MTRF1: variants seen among roughly 807,000 people sequenced by gnomAD.
MTRF1 encodes the protein peptide chain release factor 1, mitochondrial.
A neutral mutation model predicts 62.9 loss-of-function variants in MTRF1; 51 were observed. The ratio of observed to expected loss-of-function variants is 0.81; its 90% CI spans 0.65 to 1.02. The LOEUF (loss-of-function observed/expected upper bound fraction) is 1.02. MTRF1 is among the 50% of genes least tolerant of loss of function. MTRF1 has a pLI of 0.00. For missense variants in MTRF1, 446 were observed against 530.0 expected, an observed-to-expected ratio of 0.84 and a Z score of 1.56; for synonymous variants, 158 against 181.9, an observed-to-expected ratio of 0.87 and a Z score of 1.06.
chr13:41,296,807 G>C, the MTRF1 span, among the ~76,000 whole-genome samples: 2 of 151,898 alleles, frequency 1.3e-5, no homozygotes, highest in Non-Finnish European at 2.9e-5. Flanking sequence ...GACATTATCA[G>C]TCATAATTCT....
the MTRF1 span, chr13:41,311,175 C>T: frequency 1.8e-5 from 7 of 398,356 alleles, no homozygotes; most frequent in African/African-American, 2.1e-5. Context: ...GTCCCCGCTA[C>T]GCCCCCGTAG....
rs1555268029 is a variant in MTRF1, at chr13:41,259,712, A to AAAAAAAAAAAACAAAAAAAAAC, written c.415+780_415+781insGTTTTTTTTTGTTTTTTTTTTT. Reference sequence around the variant, plus strand: ...GCGAGACTCCGTCTCAAAAAAAAAAAAAAAAAAAACATAAAAATAAAAAAT... The same window carrying AAAAAAAAAAAACAAAAAAAAAC: ...GCGAGACTCCGTCTCAAAAAAAAAAAAAAAAAAAAAACAAAAAAAAACAAAAAAAAACATAAAAATAAAAAAT... On this transcript the variant is annotated intron_variant, in intron 2 of 9. Coordinates refer to ENST00000379480, the MANE Select transcript of MTRF1 (RefSeq NM_004294.4). Among the ~76,000 whole-genome samples the AAAAAAAAAAAACAAAAAAAAAC allele has an allele frequency of 1.3e-3, 174 of 136,728 alleles. 2 individuals carry two copies. Among genetic ancestry groups the AAAAAAAAAAAACAAAAAAAAAC allele is most frequent in the African/African-American group, 4.6e-3 (168 of 36,144 alleles). 89.7% of individuals were successfully genotyped at this position (136,728 alleles called of 152,430 possible). A position where few individuals can be genotyped will look rare whatever the true frequency, so the allele number is the denominator to read the frequency against.
chr13:41,251,839 C>T (rs1163241048), intron 5 of MTRF1, among the ~76,000 whole-genome samples: 1 of 151,864 alleles, frequency 6.6e-6, no homozygotes, highest in East Asian at 1.9e-4. Context: ...AATCAATATA[C>T]TTGAGTATTT....
the MTRF1 span, among the ~76,000 whole-genome samples, chr13:41,297,335 T>C: frequency 6.6e-6 from 1 of 152,244 alleles, no homozygotes. Flanking sequence ...GTTCTATCTT[T>C]TGGTGTTGAG....
intron 5 of MTRF1, 38 bp downstream of exon 5, chr13:41,252,607 T>G: frequency 6.7e-7 from 1 of 1,490,238 alleles, no homozygotes; most frequent in Non-Finnish European, 9.3e-7. Context: ...AAAATAATTT[T>G]CAGTATCTCC....
chr13:41,228,972 T>C (rs865788644), intron 7 of MTRF1, among the ~76,000 whole-genome samples: 1 of 152,206 alleles, frequency 6.6e-6, no homozygotes, highest in Non-Finnish European at 1.5e-5. Context: ...GCTGAAACCA[T>C]GGCAATCCTC....
At chr13:41,284,935 G>A in the MTRF1 span, among the ~76,000 whole-genome samples, 3 of 152,168 alleles carry the variant, frequency 2.0e-5, no homozygotes, top group African/African-American at 7.2e-5. Context: ...TTACAGGCAT[G>A]AGCCACTGTG....
intron 7 of MTRF1, 42 bp from the exon 8 acceptor site, chr13:41,226,610 C>T (rs1289295650): frequency 3.1e-6 from 5 of 1,606,088 alleles, no homozygotes; most frequent in South Asian, 2.2e-5. Context: ...GTAGCTTCCA[C>T]CAAATTAAGA....
the MTRF1 span, among the ~76,000 whole-genome samples, chr13:41,271,336 A>T: frequency 6.6e-6 from 1 of 152,334 alleles, no homozygotes; most frequent in South Asian, 2.1e-4. Context: ...ATTTTACATA[A>T]ACTCTGGCAA....
At chr13:41,270,081 A>T in the MTRF1 span, among the ~76,000 whole-genome samples, 1 of 152,212 alleles carries the variant, frequency 6.6e-6, no homozygotes, top group African/African-American at 2.4e-5. Context: ...TGTTTATTAA[A>T]AATTACATAA....
chr13:41,246,230 A>G (rs1252101195), intron 5 of MTRF1, among the ~76,000 whole-genome samples: 2 of 151,888 alleles, frequency 1.3e-5, no homozygotes, highest in African/African-American at 4.8e-5. Flanking sequence ...TGCAGGTTCT[A>G]TGGCAATTGG....
Position 41,260,489 on chromosome 13 carries a change from C to T in MTRF1, c.415+4G>A. 4 of 1,606,954 alleles carry T rather than the reference C, an allele frequency of 2.5e-6. No individual in the cohort carries two copies. The highest frequency in any genetic ancestry group is 3.4e-6 in the Non-Finnish European group (4 of 1,175,712). On this transcript the variant is annotated splice_donor_region_variant and intron_variant, in intron 2 of 9. Transcript: ENST00000379480. ...TGCAGGACACATAAGTATCTTTTAC[C>T]TACTTTTACACATTGATTCTAATTC...
Position 41,216,430 on chromosome 13 carries a change from T to C in MTRF1, c.*685A>G, listed in dbSNP as rs1378626373. On this transcript the variant is annotated 3_prime_UTR_variant, in exon 10 of 10. Transcript: ENST00000379480. ...GGAATTCATACAGCAATCAAAGGGC[T>C]TTACTGTCTGTACCCAGATGCTCAT... The C allele has an allele frequency of 1.3e-5, 2 of 152,116 alleles. No homozygotes were observed. The highest frequency in any genetic ancestry group is 2.9e-5 in the Non-Finnish European group (2 of 68,020). 9.4% of individuals were successfully genotyped at this position (152,116 alleles called of 1,614,324 possible).
chr13:41,219,290 C>CA (rs55810411), intron 9 of MTRF1, among the ~76,000 whole-genome samples: 345 of 131,900 alleles, frequency 2.6e-3, no homozygotes, highest in African/African-American at 7.7e-3. Flanking sequence ...GACTCTGTCT[C>CA]AAAAAAAAAA....
the MTRF1 span, among the ~76,000 whole-genome samples, chr13:41,284,955 T>C: frequency 0.04 from 6,119 of 152,222 alleles, 187 homozygotes; most frequent in Non-Finnish European, 0.062. Context: ...GCCCGGCCTG[T>C]CAACAGGCTT....
chr13:41,223,013 T>C (rs2033713902), intron 9 of MTRF1, among the ~76,000 whole-genome samples: 1 of 152,236 alleles, frequency 6.6e-6, no homozygotes, highest in Non-Finnish European at 1.5e-5. Context: ...CGTTCATGCA[T>C]TGTGATTGCA....
chr13:41,233,549 G>A (rs1432610130), intron 7 of MTRF1, among the ~76,000 whole-genome samples: 1 of 152,184 alleles, frequency 6.6e-6, no homozygotes, highest in Non-Finnish European at 1.5e-5. Context: ...GGAGTTAGCT[G>A]TCATGCTACA....
the MTRF1 span, among the ~76,000 whole-genome samples, chr13:41,285,339 T>G: frequency 6.6e-6 from 1 of 152,224 alleles, no homozygotes; most frequent in Non-Finnish European, 1.5e-5. Context: ...TTCACATTTG[T>G]CTTCCAGTAA....
chr13:41,303,503 C>T, the MTRF1 span, among the ~76,000 whole-genome samples: 1 of 152,100 alleles, frequency 6.6e-6, no homozygotes, highest in Non-Finnish European at 1.5e-5. Flanking sequence ...TCTAGATAAT[C>T]TACATTTAGG....
Sources: gnomAD v4.1 joint callset for allele counts (sites outside exome capture counted in the v4.1 genomes callset) on GRCh38, gnomAD v4.1.1 for gene constraint, MANE v1.5 for transcripts, NCBI Gene and HGNC (gene_info 2026-07-23, HGNC 2026-07-21) for gene names.